SFPQ: variants seen among roughly 807,000 people sequenced by gnomAD.
SFPQ encodes splicing factor, proline- and glutamine-rich.
In SFPQ, 11 loss-of-function variants were observed where a neutral mutation model predicts 72.9. The observed-to-expected ratio is 0.15, with a 90% CI of 0.09 to 0.25. SFPQ has a LOEUF of 0.25. SFPQ is among the 10% of genes least tolerant of loss of function. The pLI is 1.00. For synonymous variants in SFPQ, 506 were observed against 367.3 expected (o/e 1.38, Z -4.32); for missense variants, 847 against 993.3 (o/e 0.85, Z 1.98).
At chr1:35,179,556 C>T (rs1410584254), downstream of SFPQ, 2 of 1,053,158 alleles carry the variant, frequency 1.9e-6, no homozygotes, top group East Asian at 5.4e-5. Context: ...CACTTAATTC[C>T]CAGCTTTTTG....
chr1:35,183,944 T>C lies in SFPQ; in HGVS notation c.*512A>G, dbSNP rs1237700092. 1 of 1,050,696 alleles carries C rather than the reference T, an allele frequency of 9.5e-7. No homozygotes were observed. The highest frequency in any genetic ancestry group is 5.5e-5 in the Admixed American group (1 of 18,204). The allele number at this position is 1,050,696 out of a possible 1,614,324, so 65.1% of individuals were successfully genotyped here. On this transcript the variant is annotated 3_prime_UTR_variant, in exon 10 of 10. Transcript: ENST00000357214. ...AATCATCAAACTACTTCAATATGCA[T>C]TTCTTCTTTTTAAAACAAAGGGGGC...
At chr1:35,192,197 A>G in intron 1 of SFPQ, 25 bp downstream of exon 1, 1 of 1,380,360 alleles carries the variant, frequency 7.2e-7, no homozygotes, top group South Asian at 1.6e-5. Flanking sequence ...AGGGGAGCCG[A>G]CGCGTCGCTC....
At chr1:35,189,655 A>T (rs1320096010) in intron 4 of SFPQ, among the ~76,000 whole-genome samples, 1 of 152,076 alleles carries the variant, frequency 6.6e-6, no homozygotes, top group Non-Finnish European at 1.5e-5. Context: ...CCACCCATAA[A>T]AATGTACTGT....
rs915742470 is a variant in SFPQ at position 35,183,991 on chromosome 1, C to T, written c.*465G>A. 12 of 1,056,328 alleles carry T rather than the reference C, an allele frequency of 1.1e-5. No individual in the cohort carries two copies. Among genetic ancestry groups the T allele is most frequent in the South Asian group, 4.5e-5 (1 of 22,000 alleles). 65.4% of individuals were successfully genotyped at this position (1,056,328 alleles called of 1,614,324 possible). A position where few individuals can be genotyped will look rare whatever the true frequency, so the allele number is the denominator to read the frequency against. Reference sequence around the variant, plus strand: ...GGGCAATTATTTGTAGAAAGCAATACTTAGCCTCCAGATGCATTTCCCAGA... The same window carrying T: ...GGGCAATTATTTGTAGAAAGCAATATTTAGCCTCCAGATGCATTTCCCAGA... On this transcript the variant is annotated 3_prime_UTR_variant, in exon 10 of 10. Coordinates refer to ENST00000357214, the MANE Select transcript of SFPQ (RefSeq NM_005066.3).
At chr1:35,180,224 GC>G (rs1263242562), downstream of SFPQ, 3 of 1,051,916 alleles carry the variant, frequency 2.9e-6, no homozygotes, top group African/African-American at 5.0e-5. Context: ...TCTCATGCAT[GC>G]TAGCTAAAAC....
In SFPQ at chr1:35,184,399, G is replaced by A. The variant is rs944271852; in HGVS notation, c.*57C>T. 1 of 1,583,440 alleles carries A rather than the reference G, an allele frequency of 6.3e-7. No individual in the cohort carries two copies. Among genetic ancestry groups the A allele is most frequent in the Non-Finnish European group, 8.5e-7 (1 of 1,171,290 alleles). On this transcript the variant is annotated 3_prime_UTR_variant, in exon 10 of 10. Coordinates refer to ENST00000357214, the MANE Select transcript of SFPQ (RefSeq NM_005066.3). ...CTTACTAAAATGCAAGAATTTAAAAGATTGGTATCTAAACAAAAAAACAAA... is the reference window on the plus strand; with the variant it reads ...CTTACTAAAATGCAAGAATTTAAAAAATTGGTATCTAAACAAAAAAACAAA...
Position 35,189,056 on chromosome 1 carries a change from G to C in SFPQ, c.1644C>G (p.Arg548=). 6.2e-7 allele frequency: 1 copy of C among 1,612,884 alleles called. No individual in the cohort carries two copies. Residue 548 remains arginine (R), a synonymous_variant, in exon 6 of 10, where the codon CGC becomes CGG. Transcript: ENST00000357214. The part of the protein sequence containing the change: ...DLMRRQEELR[R]MEELHNQEMQ... ...TTTCTTGATTGTGAAGTTCTTCCAT[G>C]CGTCTTAATTCTTCCTGTCGTCTCA...
chr1:35,178,893 A>T (rs1301805191), downstream of SFPQ: 11 of 1,051,520 alleles, frequency 1.0e-5, no homozygotes, highest in Non-Finnish European at 1.3e-5. Context: ...TCAAAAAAAA[A>T]AAAAAAAATA....
At chr1:35,187,332 T>C in intron 7 of SFPQ, 81 bp from the exon 8 acceptor site, 10 of 1,288,970 alleles carry the variant, frequency 7.8e-6, no homozygotes, top group Non-Finnish European at 1.1e-5. Flanking sequence ...TTTTCAAGAG[T>C]TAAATAAAAA....
intron 9 of SFPQ, among the ~76,000 whole-genome samples, chr1:35,185,609 C>T (rs185031799): frequency 2.4e-4 from 36 of 152,222 alleles, no homozygotes; most frequent in Non-Finnish European, 4.6e-4. Flanking sequence ...TATAATAGAC[C>T]AGTTACTAAG....
chr1:35,180,751 A>G, downstream of SFPQ: 2 of 1,060,866 alleles, frequency 1.9e-6, no homozygotes, highest in Non-Finnish European at 2.3e-6. Context: ...AATAGAGACT[A>G]ATTATCACAT....
At chr1:35,178,447 T>C (rs1249095324), downstream of SFPQ, 6 of 1,063,980 alleles carry the variant, frequency 5.6e-6, no homozygotes, top group East Asian at 1.5e-4. Flanking sequence ...TGTCTTCCAT[T>C]GTCAGGCAGG....
intron 2 of SFPQ, 108 bp downstream of exon 2, chr1:35,191,233 A>T (rs1639981653): frequency 1.0e-6 from 1 of 967,798 alleles, no homozygotes; most frequent in African/African-American, 1.7e-5. Context: ...AAAATCTAAA[A>T]GATCAATTTA....
intron 7 of SFPQ, 56 bp from the exon 8 acceptor site, chr1:35,187,307 T>C: frequency 6.8e-7 from 1 of 1,475,736 alleles, no homozygotes; most frequent in Non-Finnish European, 9.4e-7. Context: ...GCAAGCATTC[T>C]TAAGAACTGA....
chr1:35,191,627 T>C (rs1225628750), intron 1 of SFPQ, 98 bp from the exon 2 acceptor site: 2 of 889,242 alleles, frequency 2.2e-6, no homozygotes. Flanking sequence ...CAGTTGCCTT[T>C]CTGTTCCGTT....
At chr1:35,179,983 A>T, downstream of SFPQ, 3 of 1,050,658 alleles carry the variant, frequency 2.9e-6, no homozygotes, top group Non-Finnish European at 3.5e-6. Flanking sequence ...CAGAGGCTAA[A>T]CTAGTCATCA....
At chr1:35,185,963 T>C (rs1639694891) in intron 9 of SFPQ, among the ~76,000 whole-genome samples, 1 of 152,138 alleles carries the variant, frequency 6.6e-6, no homozygotes, top group African/African-American at 2.4e-5. Context: ...AATCTGTCTT[T>C]AGGAAGAATA....
At chr1:35,181,422 A>C (rs1425956781), downstream of SFPQ, 1 of 1,063,764 alleles carries the variant, frequency 9.4e-7, no homozygotes, top group Admixed American at 5.3e-5. Flanking sequence ...TAACATTACA[A>C]TTTCCCCATT....
In SFPQ at chr1:35,190,493, C is replaced by T; in HGVS notation, c.1415+5G>A. Reference sequence around the variant, plus strand: ...AAACTGCCAAAAAAGTTTAATCAATCTTACTTTTGATACATTGGATTCTTC... The same window carrying T: ...AAACTGCCAAAAAAGTTTAATCAATTTTACTTTTGATACATTGGATTCTTC... On this transcript the variant is annotated splice_donor_5th_base_variant and intron_variant, in intron 4 of 9. Coordinates refer to ENST00000357214, the MANE Select transcript of SFPQ (RefSeq NM_005066.3). 1.9e-6 allele frequency: 3 copies of T among 1,588,572 alleles called. No homozygotes were observed. The highest frequency in any genetic ancestry group is 1.7e-5 in the Admixed American group (1 of 58,566).
Sources: allele counts gnomAD v4.1 joint callset (sites outside exome capture counted in the v4.1 genomes callset), GRCh38; gene constraint gnomAD v4.1.1; transcripts MANE v1.5; gene names NCBI Gene and HGNC (gene_info 2026-07-23, HGNC 2026-07-21).